STARD13: variants seen among roughly 807,000 people sequenced by gnomAD.
The protein encoded by STARD13 is stAR-related lipid transfer protein 13.
In STARD13, 62 loss-of-function variants were observed where a neutral mutation model predicts 106.4. The ratio of observed to expected loss-of-function variants is 0.58; its 90% CI spans 0.48 to 0.72. STARD13 has a LOEUF of 0.72. Among genes scored for constraint, STARD13 ranks in the 30% least tolerant of loss-of-function variants. The probability of loss-of-function intolerance (pLI) is 0.00; values close to 1 mark genes in which losing one functional copy is unlikely to be tolerated. For missense variants in STARD13, 1,387 were observed against 1,424.0 expected, an observed-to-expected ratio of 0.97 and a Z score of 0.42; for synonymous variants, 565 against 553.0, an observed-to-expected ratio of 1.02 and a Z score of -0.31.
chr13:33,388,439 G>A, the STARD13 span, among the ~76,000 whole-genome samples: 2 of 152,322 alleles, frequency 1.3e-5, no homozygotes, highest in East Asian at 1.9e-4. Context: ...AGGTCTAACC[G>A]CAGGGCCACA....
intron 1 of STARD13, 24 bp from the exon 2 acceptor site, chr13:33,167,646 AT>A (rs1323006398): frequency 1.2e-6 from 2 of 1,609,520 alleles, no homozygotes; most frequent in East Asian, 4.5e-5. Context: ...GAGAGATAAA[AT>A]TGTGAGTCCC....
intron 1 of STARD13, chr13:33,277,889 A>T (rs1432279176): frequency 6.6e-6 from 1 of 152,174 alleles, no homozygotes; most frequent in Admixed American, 6.5e-5. Flanking sequence ...TCATAAAAAG[A>T]TGGTCATCTG....
chr13:33,214,744 T>C (rs372467788), intron 1 of STARD13, among the ~76,000 whole-genome samples: 1 of 146,668 alleles, frequency 6.8e-6, no homozygotes, highest in African/African-American at 2.6e-5. Flanking sequence ...ACACATCCCC[T>C]GCAATGGTAG....
chr13:33,472,230 T>TG, the STARD13 span, among the ~76,000 whole-genome samples: 1 of 152,128 alleles, frequency 6.6e-6, no homozygotes, highest in Non-Finnish European at 1.5e-5. Context: ...TATATATTTC[T>TG]GGGGTACATG....
intron 1 of STARD13, among the ~76,000 whole-genome samples, chr13:33,282,260 T>A (rs536465024): frequency 6.6e-6 from 1 of 152,164 alleles, no homozygotes; most frequent in Admixed American, 6.5e-5. Context: ...CTTTTAAACA[T>A]CTCCTCTCTT....
chr13:33,521,337 A>G, the STARD13 span, among the ~76,000 whole-genome samples: 1 of 152,178 alleles, frequency 6.6e-6, no homozygotes. Flanking sequence ...CTTGACAGAA[A>G]TTCAGCCAAT....
intron 1 of STARD13, among the ~76,000 whole-genome samples, chr13:33,235,757 G>A (rs1326941560): frequency 6.6e-6 from 1 of 152,248 alleles, no homozygotes; most frequent in Non-Finnish European, 1.5e-5. Context: ...GTCCCCTCCA[G>A]ACTTCCTAAA....
chr13:33,592,604 C>T, the STARD13 span, among the ~76,000 whole-genome samples: 1 of 152,066 alleles, frequency 6.6e-6, no homozygotes, highest in Non-Finnish European at 1.5e-5. Flanking sequence ...CTGGAAAGTT[C>T]CCTTTTGAGG....
the STARD13 span, among the ~76,000 whole-genome samples, chr13:33,536,005 A>G: frequency 0.015 from 2,275 of 152,280 alleles, 49 homozygotes; most frequent in African/African-American, 0.052. Context: ...CTGGAATAAG[A>G]GCATCAGTGA....
the STARD13 span, among the ~76,000 whole-genome samples, chr13:33,510,949 C>A: frequency 4.2e-4 from 64 of 152,218 alleles, no homozygotes; most frequent in Non-Finnish European, 6.9e-4. Context: ...AAAATAATTT[C>A]TATTTCATTT....
intron 1 of STARD13, among the ~76,000 whole-genome samples, 159 bp from the exon 2 acceptor site, chr13:33,167,781 G>A (rs912868265): frequency 2.6e-5 from 4 of 152,084 alleles, no homozygotes; most frequent in African/African-American, 9.7e-5. Flanking sequence ...GGAGTGGGTG[G>A]AAAACGAGCG....
Position 33,129,293 on chromosome 13 carries a change from C to T in STARD13, c.1384G>A (p.Val462Ile). 6.2e-7 allele frequency: 1 copy of T among 1,614,154 alleles called. No individual in the cohort carries two copies. The highest frequency in any genetic ancestry group is 8.5e-7 in the Non-Finnish European group (1 of 1,180,028). ...RASRVSIYDN[V>I]PGSHLYASTG... ...CTGGCATACAGATGGGAGCCAGGGA[C>T]ATTGTCATAGATACTGACTCGGCTG... The change falls in exon 5 of 14, where the codon GTC (valine) becomes ATC (isoleucine). Residue 462 changes from valine to isoleucine, a missense_variant. By Grantham distance (29) the Val-to-Ile change is conservative (BLOSUM62 3). Transcript: ENST00000336934.
At chr13:33,357,786 C>T in the STARD13 span, among the ~76,000 whole-genome samples, 1 of 152,118 alleles carries the variant, frequency 6.6e-6, no homozygotes, top group Admixed American at 6.5e-5. Context: ...AAAAATTAAC[C>T]GAGTGTGCTG....
the STARD13 span, among the ~76,000 whole-genome samples, chr13:33,385,218 AATAT>A: frequency 0.018 from 606 of 33,556 alleles, 8 homozygotes; most frequent in Non-Finnish European, 0.024. Context: ...AAAGGTTCGG[AATAT>A]ATATATATAT....
chr13:33,321,029 A>C (rs1893540676), intron 1 of STARD13, among the ~76,000 whole-genome samples: 1 of 152,218 alleles, frequency 6.6e-6, no homozygotes, highest in Non-Finnish European at 1.5e-5. Flanking sequence ...CTTTATGGAG[A>C]TCATTCAATA....
chr13:33,419,625 C>T, the STARD13 span, among the ~76,000 whole-genome samples: 23,576 of 151,914 alleles, frequency 0.16, 4,353 homozygotes, highest in African/African-American at 0.44. Flanking sequence ...AGATACTCTT[C>T]AAGAAGAGCA....
intron 3 of STARD13, among the ~76,000 whole-genome samples, chr13:33,145,942 TG>T (rs1880471354): frequency 6.6e-6 from 1 of 151,622 alleles, no homozygotes; most frequent in Admixed American, 6.6e-5. Flanking sequence ...CCCAGAACTT[TG>T]GGAGGCCAAG....
chr13:33,519,472 G>A, the STARD13 span, among the ~76,000 whole-genome samples: 15 of 151,490 alleles, frequency 9.9e-5, no homozygotes, highest in Non-Finnish European at 1.9e-4. Flanking sequence ...TTACAGGTGT[G>A]AGCCACTGTG....
At chr13:33,614,964 T>G in the STARD13 span, among the ~76,000 whole-genome samples, 1 of 152,130 alleles carries the variant, frequency 6.6e-6, no homozygotes, top group Non-Finnish European at 1.5e-5. Flanking sequence ...CCAGTTGACA[T>G]GGTAGGGCTC....
Sources: allele counts gnomAD v4.1 joint callset (sites outside exome capture counted in the v4.1 genomes callset), GRCh38; gene constraint gnomAD v4.1.1; transcripts MANE v1.5; gene names NCBI Gene and HGNC (gene_info 2026-07-23, HGNC 2026-07-21).